IPMK: variants seen among roughly 807,000 people sequenced by gnomAD.
IPMK encodes inositol polyphosphate multikinase, also known as inositol 1,3,4,6-tetrakisphosphate 5-kinase.
A neutral mutation model predicts 45.8 loss-of-function variants in IPMK; 17 were observed. The ratio of observed to expected loss-of-function variants is 0.37; its 90% CI spans 0.25 to 0.56. IPMK has a LOEUF of 0.56. IPMK is among the 20% of genes least tolerant of loss of function. IPMK has a pLI of 0.79. For synonymous variants in IPMK, 180 were observed against 184.3 expected, an observed-to-expected ratio of 0.98 and a Z score of 0.19; for missense variants, 399 against 498.0, an observed-to-expected ratio of 0.80 and a Z score of 1.89.
In IPMK at chr10:58,196,520, A is replaced by G. The variant is rs372263875; in HGVS notation, c.807T>C (p.Asn269=). 6 of 1,613,924 alleles carry G rather than the reference A, an allele frequency of 3.7e-6. No homozygotes were observed. The African/African-American group carries it at 4.0e-5, about 11-fold the overall frequency. ...GSSQPTTTKL[N]DRTLAEKFLS... Reference sequence around the variant, plus strand: ...AAAACTTTTCTGCCAAAGTTCTGTCATTCAATTTTGTAGTGGTTGGCTGAG... The same window carrying G: ...AAAACTTTTCTGCCAAAGTTCTGTCGTTCAATTTTGTAGTGGTTGGCTGAG... Residue 269 remains asparagine, a synonymous_variant, in exon 6 of 6, where the codon AAT becomes AAC. Coordinates refer to ENST00000373935, the MANE Select transcript of IPMK (RefSeq NM_152230.5).
intron 1 of IPMK, among the ~76,000 whole-genome samples, chr10:58,243,310 G>A (rs1027350057): frequency 5.3e-5 from 8 of 152,158 alleles, no homozygotes; most frequent in African/African-American, 1.9e-4. Flanking sequence ...TGCATTGCAT[G>A]GATGGATATA....
chr10:58,208,334 G>A (rs2132147560), intron 4 of IPMK, among the ~76,000 whole-genome samples: 1 of 152,236 alleles, frequency 6.6e-6, no homozygotes, highest in African/African-American at 2.4e-5. Context: ...TGGCAATTCA[G>A]AGATTTCATC....
chr10:58,267,528 G>A lies in IPMK; in HGVS notation c.84C>T (p.Thr28=). 1 of 1,612,956 alleles carries A rather than the reference G, an allele frequency of 6.2e-7. No individual in the cohort carries two copies. The highest frequency in any genetic ancestry group is 8.5e-7 in the Non-Finnish European group (1 of 1,179,666). ...CCGCCGGCTGCGGGGTGCCCTCAGGGGTGGACTCGATCGCCGGTGAGGTCC... is the reference window on the plus strand; with the variant it reads ...CCGCCGGCTGCGGGGTGCCCTCAGGAGTGGACTCGATCGCCGGTGAGGTCC... ...EMRTSPAIES[T]PEGTPQPAGG... is the part of the protein sequence containing the mutation. Residue 28 remains threonine, a synonymous_variant, in exon 1 of 6, where the codon ACC becomes ACT. Transcript: ENST00000373935.
At position 58,193,680 on chromosome 10, in the gene IPMK, T is replaced by C. The variant is rs957893493; in HGVS notation, c.*2396A>G. On this transcript the variant is annotated 3_prime_UTR_variant, in exon 6 of 6. Coordinates refer to ENST00000373935, the MANE Select transcript of IPMK (RefSeq NM_152230.5). ...CACTAAAATCATTACTTATGTTTCA[T>C]AGGGGAAAAAAAACTATGAGAATCC... The C allele has an allele frequency of 3.3e-5, 5 of 151,886 alleles. No individual in the cohort carries two copies. The South Asian group carries it at 6.2e-4, about 19-fold the overall frequency. The allele number at this position is 151,886 out of a possible 1,614,324, so 9.4% of individuals were successfully genotyped here.
chr10:58,200,816 A>T (rs1837985443), intron 4 of IPMK, among the ~76,000 whole-genome samples: 1 of 152,208 alleles, frequency 6.6e-6, no homozygotes, highest in Non-Finnish European at 1.5e-5. Context: ...ACTAAAACTC[A>T]GAAATGTCAG....
chr10:58,208,347 G>A (rs764109763), intron 4 of IPMK, among the ~76,000 whole-genome samples: 5 of 152,230 alleles, frequency 3.3e-5, no homozygotes, highest in East Asian at 1.9e-4. Context: ...ATTTCATCTC[G>A]GTTTGGATCC....
intron 1 of IPMK, among the ~76,000 whole-genome samples, chr10:58,254,596 C>T (rs372242108): frequency 8.2e-4 from 125 of 152,328 alleles, no homozygotes; most frequent in African/African-American, 2.8e-3. Context: ...TACCATACTT[C>T]GTTGGATTTT....
intron 2 of IPMK, among the ~76,000 whole-genome samples, chr10:58,230,312 A>G (rs973137397): frequency 1.3e-5 from 2 of 152,220 alleles, no homozygotes; most frequent in African/African-American, 2.4e-5. Context: ...TTCTCCCGGC[A>G]TGGTGTTTGA....
intron 3 of IPMK, among the ~76,000 whole-genome samples, chr10:58,225,655 C>G (rs1588960148): frequency 6.6e-6 from 1 of 152,256 alleles, no homozygotes; most frequent in Middle Eastern, 3.4e-3. Flanking sequence ...GATTTTCAAT[C>G]AAACACCATC....
At chr10:58,218,766 A>T (rs961020929) in intron 3 of IPMK, among the ~76,000 whole-genome samples, 1 of 152,232 alleles carries the variant, frequency 6.6e-6, no homozygotes, top group Non-Finnish European at 1.5e-5. Flanking sequence ...TAAGATAAAG[A>T]TAAGAGAAGC....
chr10:58,249,387 C>T (rs751204862), intron 1 of IPMK, among the ~76,000 whole-genome samples: 38 of 152,236 alleles, frequency 2.5e-4, no homozygotes, highest in South Asian at 1.7e-3. Flanking sequence ...CTCAGTTTGA[C>T]GTTTTAATAA....
At position 58,195,723 on chromosome 10, in the gene IPMK, A is replaced by T. The variant is rs1837881587; in HGVS notation, c.*353T>A. ...AATATTTTAGATATGGCTCATTGTC[A>T]AGGCTGGGTGGACAGAGATTTCATG... On this transcript the variant is annotated 3_prime_UTR_variant, in exon 6 of 6. Transcript: ENST00000373935. 1 of 190,802 alleles carries T rather than the reference A, an allele frequency of 5.2e-6. No individual in the cohort carries two copies. The highest frequency in any genetic ancestry group is 1.4e-4 in the East Asian group (1 of 7,032). 11.8% of individuals were successfully genotyped at this position (190,802 alleles called of 1,614,324 possible).
chr10:58,196,890 C>A (rs887534525), intron 5 of IPMK, among the ~76,000 whole-genome samples, 192 bp from the exon 6 acceptor site: 1 of 152,068 alleles, frequency 6.6e-6, no homozygotes, highest in Admixed American at 6.6e-5. Flanking sequence ...GGTGAAGATG[C>A]TCTTATTAGA....
At position 58,193,990 on chromosome 10, in the gene IPMK, T is replaced by C. The variant is rs576499361; in HGVS notation, c.*2086A>G. The stretch of plus-strand genomic sequence containing the variant: ...AATCCCTTCCCTGAAAAACAACAGA[T>C]AAAAGGGCTTCTTGCTTTATTAAAA... On this transcript the variant is annotated 3_prime_UTR_variant, in exon 6 of 6. Coordinates refer to ENST00000373935, the MANE Select transcript of IPMK (RefSeq NM_152230.5). The C allele has an allele frequency of 8.6e-5, 13 of 151,932 alleles. No individual in the cohort carries two copies. The East Asian group carries it at 2.1e-3, about 25-fold the overall frequency. The allele number at this position is 151,932 out of a possible 1,614,324, so 9.4% of individuals were successfully genotyped here.
intron 1 of IPMK, among the ~76,000 whole-genome samples, chr10:58,240,540 C>T (rs1838681474): frequency 6.6e-6 from 1 of 151,646 alleles, no homozygotes; most frequent in African/African-American, 2.4e-5. Context: ...AAGCATTGCT[C>T]CCACCTAAAA....
chr10:58,258,727 G>A (rs550287334), intron 1 of IPMK, among the ~76,000 whole-genome samples: 2 of 152,186 alleles, frequency 1.3e-5, no homozygotes, highest in South Asian at 2.1e-4. Context: ...ATATTGTTTA[G>A]TACTTAAAGG....
chr10:58,222,022 T>C (rs532684602), intron 3 of IPMK, among the ~76,000 whole-genome samples: 89 of 152,284 alleles, frequency 5.8e-4, no homozygotes, highest in African/African-American at 2.1e-3. Context: ...GTGCTGGGAT[T>C]ACAGGCATTA....
intron 1 of IPMK, among the ~76,000 whole-genome samples, chr10:58,257,763 G>A (rs1838994404): frequency 6.6e-6 from 1 of 152,076 alleles, no homozygotes; most frequent in African/African-American, 2.4e-5. Context: ...AAGAACGTTT[G>A]ATATAGTAAT....
At chr10:58,240,640 A>C (rs1173154293) in intron 1 of IPMK, among the ~76,000 whole-genome samples, 1 of 151,368 alleles carries the variant, frequency 6.6e-6, no homozygotes, top group Non-Finnish European at 1.5e-5. Flanking sequence ...TGAAATCTAA[A>C]GGAAGACATA....
Sources: allele counts gnomAD v4.1 joint callset (sites outside exome capture counted in the v4.1 genomes callset), GRCh38; gene constraint gnomAD v4.1.1; transcripts MANE v1.5; gene names NCBI Gene and HGNC (gene_info 2026-07-23, HGNC 2026-07-21).